PCDH11X: variants seen among roughly 807,000 people sequenced by gnomAD.
PCDH11X encodes protocadherin 11 X-linked, also known as protocadherin-11 X-linked.
Under a neutral mutation model 53.3 loss-of-function variants are expected in PCDH11X, and 18 were observed. That is an observed-to-expected ratio of 0.34 (90% CI 0.23 to 0.50). The LOEUF (loss-of-function observed/expected upper bound fraction) is 0.50, where lower values mean the gene tolerates loss of function less well. Ranked by LOEUF, PCDH11X falls within the 20% of genes least tolerant of loss-of-function variation. PCDH11X has a pLI of 0.98. For missense variants in PCDH11X, 570 were observed against 1,032.4 expected (o/e 0.55, Z 6.14); for synonymous variants, 279 against 393.3 (o/e 0.71, Z 3.44).
chrX:92,533,392 C>G (rs2074596409), intron 10 of PCDH11X, among the ~76,000 whole-genome samples: 1 of 106,048 alleles, frequency 9.4e-6, no homozygotes, highest in Non-Finnish European at 1.9e-5. Context: ...TACAGATGGT[C>G]TCTCTGTGAA....
chrX:92,618,051 T>G (rs1928173501), intron 10 of PCDH11X: 1 of 199,037 alleles, frequency 5.0e-6, no homozygotes. Flanking sequence ...AGGATGCCAA[T>G]TATGATAATG....
At chrX:92,545,387 C>CTTTTTTTT (rs566573698) in intron 10 of PCDH11X, among the ~76,000 whole-genome samples, 1 of 66,044 alleles carries the variant, frequency 1.5e-5, no homozygotes, top group Non-Finnish European at 2.6e-5. Flanking sequence ...GGTTAAATTC[C>CTTTTTTTT]TTTTTTTTTT....
intron 5 of PCDH11X, among the ~76,000 whole-genome samples, chrX:91,862,062 CT>C (rs998449087): frequency 9.1e-6 from 1 of 109,627 alleles, no homozygotes; most frequent in African/African-American, 3.3e-5. Context: ...ACCCAGTTTT[CT>C]TTTTTTGATG....
rs567671730 is a variant in PCDH11X, at chrX:91,871,911, G to C, written c.541-4870G>C. ...TCACAAATGAAGGTTATTAGGATGA[G>C]GTTATTAGAAAGTCCATGCATTTTT... is the stretch of plus-strand genomic sequence containing the variant. On this transcript the variant is annotated intron_variant, in intron 5 of 10. Coordinates refer to ENST00000682573, the MANE Select transcript of PCDH11X (RefSeq NM_032968.5). Among the ~76,000 whole-genome samples the C allele has an allele frequency of 1.2e-3, 131 of 110,899 alleles. 3 individuals are homozygous for C. In the South Asian group the frequency reaches 0.049, roughly 41 times the overall value.
intron 7 of PCDH11X, among the ~76,000 whole-genome samples, chrX:92,236,678 C>A (rs1289623883): frequency 1.8e-5 from 2 of 111,629 alleles, no homozygotes; most frequent in Non-Finnish European, 3.8e-5. Context: ...TAAAATCATA[C>A]TGGTGATTGT....
At chrX:92,093,692 C>G (rs1034170267) in intron 6 of PCDH11X, among the ~76,000 whole-genome samples, 4 of 110,867 alleles carry the variant, frequency 3.6e-5, no homozygotes, top group African/African-American at 1.3e-4. Context: ...AGGAATTTAT[C>G]TGTATGAAAA....
At chrX:92,518,890 G>A (rs1288858525) in intron 10 of PCDH11X, among the ~76,000 whole-genome samples, 1 of 107,114 alleles carries the variant, frequency 9.3e-6, no homozygotes, top group Non-Finnish European at 1.9e-5. Context: ...CCGAGTAGCT[G>A]GGACTACAAG....
intron 5 of PCDH11X, among the ~76,000 whole-genome samples, chrX:91,844,406 TC>T (rs1569408769): frequency 9.1e-6 from 1 of 110,425 alleles, no homozygotes; most frequent in Non-Finnish European, 1.9e-5. Context: ...CTCGTGGCCC[TC>T]CATATGACAG....
intron 8 of PCDH11X, among the ~76,000 whole-genome samples, chrX:92,351,887 A>G (rs1306335976): frequency 9.0e-5 from 10 of 111,617 alleles, no homozygotes; most frequent in Non-Finnish European, 1.7e-4. Flanking sequence ...ACTCCTAAAC[A>G]TTGCCTATAA....
At chrX:91,837,791 C>T (rs1227399904) in intron 5 of PCDH11X, among the ~76,000 whole-genome samples, 1 of 111,005 alleles carries the variant, frequency 9.0e-6, no homozygotes, top group East Asian at 2.8e-4. Flanking sequence ...TCTGCAAGGA[C>T]GGTAATCTGT....
intron 7 of PCDH11X, among the ~76,000 whole-genome samples, chrX:92,223,366 A>C (rs780080968): frequency 7.2e-5 from 8 of 111,320 alleles, no homozygotes; most frequent in Non-Finnish European, 1.3e-4. Flanking sequence ...CTTCACTAAC[A>C]CTGTGTCTAT....
chrX:92,215,043 C>T (rs1017815414), intron 7 of PCDH11X, among the ~76,000 whole-genome samples: 50 of 111,149 alleles, frequency 4.5e-4, no homozygotes, highest in African/African-American at 1.3e-3. Flanking sequence ...AGGGAGATCC[C>T]GACTAAAAAG....
intron 7 of PCDH11X, among the ~76,000 whole-genome samples, chrX:92,222,114 G>A (rs1393232667): frequency 1.9e-5 from 2 of 106,195 alleles, no homozygotes; most frequent in Admixed American, 1.0e-4. Flanking sequence ...GATTACAGGC[G>A]TGAGCCACCA....
chrX:91,799,473 G>A (rs1336280216), intron 1 of PCDH11X, among the ~76,000 whole-genome samples: 9 of 111,092 alleles, frequency 8.1e-5, no homozygotes, highest in Non-Finnish European at 1.3e-4. Context: ...GCTTGATAAG[G>A]TTGTTTAAAG....
chrX:92,340,747 C>A (rs1485243603), intron 8 of PCDH11X, among the ~76,000 whole-genome samples: 1 of 112,235 alleles, frequency 8.9e-6, no homozygotes, highest in Non-Finnish European at 1.9e-5. Flanking sequence ...GGAGAGGCTA[C>A]CTCAAAGGTC....
In PCDH11X at chrX:92,347,418, C is replaced by A. The variant is rs1382809548; in HGVS notation, c.3145-40317C>A. Among the ~76,000 whole-genome samples, 6 of 111,434 alleles carry A rather than the reference C, an allele frequency of 5.4e-5. No homozygotes were observed. In the Admixed American group the frequency reaches 5.8e-4, roughly 11 times the overall value. On this transcript the variant is annotated intron_variant, in intron 8 of 10. Coordinates refer to ENST00000682573, the MANE Select transcript of PCDH11X (RefSeq NM_032968.5). ...CGGATGCTCTTATAGTCTTCTAATT[C>A]AACAAAAATTTTGACAGTTAGAAGA...
intron 10 of PCDH11X, among the ~76,000 whole-genome samples, chrX:92,561,265 A>G (rs993066786): frequency 9.2e-6 from 1 of 108,239 alleles, no homozygotes; most frequent in African/African-American, 3.4e-5. Context: ...ACGAGCATCA[A>G]CACCACCCAA....
At chrX:92,008,022 T>C (rs1434948202) in intron 6 of PCDH11X, among the ~76,000 whole-genome samples, 1 of 110,724 alleles carries the variant, frequency 9.0e-6, no homozygotes, top group Non-Finnish European at 1.9e-5. Context: ...GTATCCTAGA[T>C]GAAAGACAAA....
At chrX:92,041,587 T>G (rs767982278) in intron 6 of PCDH11X, among the ~76,000 whole-genome samples, 1 of 111,990 alleles carries the variant, frequency 8.9e-6, no homozygotes, top group African/African-American at 3.2e-5. Flanking sequence ...TGAGTTCTAT[T>G]CCTTGAACTT....
Sources: allele counts gnomAD v4.1 joint callset (sites outside exome capture counted in the v4.1 genomes callset), GRCh38; gene constraint gnomAD v4.1.1; transcripts MANE v1.5; gene names NCBI Gene and HGNC (gene_info 2026-07-23, HGNC 2026-07-21).